The following CDKAL1 variants were observed in gnomAD, a reference collection of about 807,000 sequenced individuals.
The protein encoded by CDKAL1 is threonylcarbamoyladenosine tRNA methylthiotransferase.
In CDKAL1, 32 loss-of-function variants were observed where a neutral mutation model predicts 68.2. The ratio of observed to expected loss-of-function variants is 0.47; its 90% CI spans 0.35 to 0.63. CDKAL1 has a LOEUF of 0.63. Ranked by LOEUF, CDKAL1 falls within the 30% of genes least tolerant of loss-of-function variation. The probability of loss-of-function intolerance (pLI) is 0.00; values close to 1 mark genes in which losing one functional copy is unlikely to be tolerated. For synonymous variants in CDKAL1, 234 were observed against 244.3 expected (o/e 0.96, Z 0.39); for missense variants, 606 against 696.7 (o/e 0.87, Z 1.47).
intron 4 of CDKAL1, among the ~76,000 whole-genome samples, chr6:20,622,436 G>A (rs2127734148): frequency 6.6e-6 from 1 of 152,068 alleles, no homozygotes; most frequent in East Asian, 1.9e-4. Flanking sequence ...AATTTTCACA[G>A]TATTGCTTTC....
chr6:20,818,866 T>C (rs1304887977), intron 8 of CDKAL1, among the ~76,000 whole-genome samples: 1 of 152,006 alleles, frequency 6.6e-6, no homozygotes, highest in African/African-American at 2.4e-5. Flanking sequence ...CCTCTTATGG[T>C]ACCTTTTGAT....
chr6:20,752,627 T>A (rs1268033650), intron 6 of CDKAL1, among the ~76,000 whole-genome samples: 2 of 152,134 alleles, frequency 1.3e-5, no homozygotes, highest in Admixed American at 6.5e-5. Context: ...TTTTAACACA[T>A]TTTCTCATTC....
intron 8 of CDKAL1, among the ~76,000 whole-genome samples, chr6:20,789,961 T>G (rs1775828253): frequency 6.6e-6 from 1 of 152,196 alleles, no homozygotes; most frequent in Non-Finnish European, 1.5e-5. Context: ...TTTTGTTTGT[T>G]TAATTTTTTT....
At chr6:20,618,876 G>T (rs1365369908) in intron 4 of CDKAL1, among the ~76,000 whole-genome samples, 1 of 151,994 alleles carries the variant, frequency 6.6e-6, no homozygotes, top group Non-Finnish European at 1.5e-5. Context: ...ATGAGGTTTT[G>T]TCATGTTGCC....
At chr6:20,573,787 C>G (rs1030227655) in intron 4 of CDKAL1, among the ~76,000 whole-genome samples, 1 of 152,222 alleles carries the variant, frequency 6.6e-6, no homozygotes, top group East Asian at 1.9e-4. Flanking sequence ...CAGAGAAGAC[C>G]TATTGTTCCT....
intron 12 of CDKAL1, among the ~76,000 whole-genome samples, chr6:21,078,783 T>A (rs1772217767): frequency 6.6e-6 from 1 of 152,202 alleles, no homozygotes; most frequent in Non-Finnish European, 1.5e-5. Flanking sequence ...CCTTCCCTGA[T>A]CATCCCTGGC....
At chr6:20,734,012 G>A (rs1375041938) in intron 5 of CDKAL1, among the ~76,000 whole-genome samples, 1 of 151,866 alleles carries the variant, frequency 6.6e-6, no homozygotes, top group Non-Finnish European at 1.5e-5. Flanking sequence ...TGCCAGGTGT[G>A]GTGGTGCATG....
Position 21,198,118 on chromosome 6 carries a change from C to A in CDKAL1, c.1383+14C>A. The A allele has an allele frequency of 1.3e-6, 2 of 1,545,690 alleles. No individual in the cohort carries two copies. Among genetic ancestry groups the A allele is most frequent in the Non-Finnish European group, 1.8e-6 (2 of 1,135,618 alleles). On this transcript the variant is annotated intron_variant, in intron 14 of 15. Coordinates refer to ENST00000274695, the MANE Select transcript of CDKAL1 (RefSeq NM_017774.3). ...TTCTATGAGCAGGTAAGAGGCACTT[C>A]AGTATTCTTGAGTTTTCTCCAAAGT...
At chr6:20,694,687 T>A (rs1455255546) in intron 5 of CDKAL1, among the ~76,000 whole-genome samples, 2 of 152,214 alleles carry the variant, frequency 1.3e-5, no homozygotes, top group Non-Finnish European at 2.9e-5. Flanking sequence ...TGTCACTGCT[T>A]TCCCCCTCAG....
At position 20,928,832 on chromosome 6, in the gene CDKAL1, T is replaced by C. The variant is rs180840821; in HGVS notation, c.743-26587T>C. Among the ~76,000 whole-genome samples the C allele has an allele frequency of 7.8e-4, 118 of 152,170 alleles. 2 individuals carry two copies. The highest frequency in any genetic ancestry group is 6.9e-3 in the Admixed American group (106 of 15,282). On this transcript the variant is annotated intron_variant, in intron 9 of 15. Transcript: ENST00000274695. ...ATAGACATGAGCCACTGTGTCCAGT[T>C]CTCCAGTATTCTTTTATAAGTTAGA...
At chr6:21,100,184 C>T (rs1335668832) in intron 12 of CDKAL1, among the ~76,000 whole-genome samples, 1 of 151,336 alleles carries the variant, frequency 6.6e-6, no homozygotes, top group African/African-American at 2.4e-5. Context: ...TTTTAGAAAC[C>T]GTAAGGCTGA....
chr6:21,104,089 G>T (rs1269511948), intron 12 of CDKAL1, among the ~76,000 whole-genome samples: 4 of 152,136 alleles, frequency 2.6e-5, no homozygotes, highest in Non-Finnish European at 4.4e-5. Context: ...CTAGAACTTA[G>T]TAAAGGATTT....
chr6:21,015,696 G>T (rs1010470525), intron 11 of CDKAL1, among the ~76,000 whole-genome samples: 1 of 152,072 alleles, frequency 6.6e-6, no homozygotes, highest in Non-Finnish European at 1.5e-5. Context: ...GGATGCTGAG[G>T]CAGGTGGATC....
chr6:21,195,313 TCACCATGC>T (rs1330640517), intron 13 of CDKAL1, among the ~76,000 whole-genome samples: 2 of 151,350 alleles, frequency 1.3e-5, no homozygotes, highest in African/African-American at 2.4e-5. Context: ...CAGGCACATG[TCACCATGC>T]CTGGCTAACT....
At chr6:20,548,497 C>T in intron 3 of CDKAL1, 96 bp from the exon 4 acceptor site, 1 of 689,358 alleles carries the variant, frequency 1.5e-6, no homozygotes. Context: ...CACACAGCTG[C>T]ACTGCAGCCT....
At chr6:20,840,010 C>T (rs187708509) in intron 8 of CDKAL1, among the ~76,000 whole-genome samples, 32 of 152,304 alleles carry the variant, frequency 2.1e-4, no homozygotes, top group African/African-American at 7.5e-4. Flanking sequence ...TGTATTCTTA[C>T]ACAGAATAAG....
chr6:20,588,296 T>C (rs1008399830), intron 4 of CDKAL1, among the ~76,000 whole-genome samples: 1 of 152,228 alleles, frequency 6.6e-6, no homozygotes, highest in African/African-American at 2.4e-5. Context: ...AAAAATACTC[T>C]TCCTTCTCTA....
chr6:21,014,328 G>C (rs1361844695), intron 11 of CDKAL1, among the ~76,000 whole-genome samples: 1 of 152,200 alleles, frequency 6.6e-6, no homozygotes, highest in African/African-American at 2.4e-5. Flanking sequence ...CTCGGGCCGG[G>C]TGTGGTGGCT....
At chr6:21,209,910 T>G (rs1244524807) in intron 15 of CDKAL1, among the ~76,000 whole-genome samples, 1 of 152,190 alleles carries the variant, frequency 6.6e-6, no homozygotes, top group Non-Finnish European at 1.5e-5. Context: ...CACTGCACTA[T>G]TTCCCCTTCA....
Sources: allele counts gnomAD v4.1 joint callset (sites outside exome capture counted in the v4.1 genomes callset), GRCh38; gene constraint gnomAD v4.1.1; transcripts MANE v1.5; gene names NCBI Gene and HGNC (gene_info 2026-07-23, HGNC 2026-07-21).